Variants in FGD6 observed in about 807,000 individuals in gnomAD.
FGD6 encodes the protein FYVE, RhoGEF and PH domain-containing protein 6.
A neutral mutation model predicts 149.4 loss-of-function variants in FGD6; 90 were observed. The ratio of observed to expected loss-of-function variants is 0.60; its 90% CI spans 0.51 to 0.72. The LOEUF is 0.72. FGD6 is among the 30% of genes least tolerant of loss of function. FGD6 has a pLI of 0.00. For synonymous variants in FGD6, 527 were observed against 584.0 expected, an observed-to-expected ratio of 0.90 and a Z score of 1.41; for missense variants, 1,437 against 1,684.8, an observed-to-expected ratio of 0.85 and a Z score of 2.57.
chr12:95,108,747 C>T (rs1389304659), intron 9 of FGD6, among the ~76,000 whole-genome samples, 186 bp from the exon 10 acceptor site: 1 of 152,058 alleles, frequency 6.6e-6, no homozygotes, highest in African/African-American at 2.4e-5. Context: ...AACCAAACAA[C>T]ACCACCACCA....
chr12:95,167,957 G>A (rs1460158775), intron 3 of FGD6, among the ~76,000 whole-genome samples: 1 of 152,042 alleles, frequency 6.6e-6, no homozygotes, highest in Non-Finnish European at 1.5e-5. Flanking sequence ...GAAAGGAAGG[G>A]GGTCCAATGT....
rs557443681 is a variant in FGD6 at position 95,178,939 on chromosome 12, C to T, written c.2442-6195G>A. Among the ~76,000 whole-genome samples the T allele has an allele frequency of 5.4e-4, 82 of 152,182 alleles. 1 individual carries two copies. The highest frequency in any genetic ancestry group is 1.0e-3 in the Non-Finnish European group (71 of 68,006). On this transcript the variant is annotated intron_variant, in intron 2 of 20. Coordinates refer to ENST00000343958, the MANE Select transcript of FGD6 (RefSeq NM_018351.4). Reference sequence around the variant, plus strand: ...GGTTTTAACAACTGAGCCTTTCAAACTAGCAAGCTAGGGTTCTATGGCTTC... The same window carrying T: ...GGTTTTAACAACTGAGCCTTTCAAATTAGCAAGCTAGGGTTCTATGGCTTC...
intron 2 of FGD6, among the ~76,000 whole-genome samples, chr12:95,180,013 G>A (rs1157499856): frequency 6.6e-6 from 1 of 151,416 alleles, no homozygotes; most frequent in African/African-American, 2.4e-5. Flanking sequence ...GGGAGGCCAA[G>A]GTTGCGGTCA....
At chr12:95,108,232 A>T in intron 11 of FGD6, 116 bp downstream of exon 11, 1 of 882,138 alleles carries the variant, frequency 1.1e-6, no homozygotes, top group African/African-American at 1.7e-5. Context: ...AAAGTGATCA[A>T]AATTGAATCA....
chr12:95,098,653 T>C (rs566916530), intron 14 of FGD6, among the ~76,000 whole-genome samples: 2 of 152,300 alleles, frequency 1.3e-5, no homozygotes, highest in African/African-American at 4.8e-5. Context: ...CTCCTACTTA[T>C]CTTTCCTAAG....
chr12:95,203,594 C>T (rs985684834), intron 2 of FGD6, among the ~76,000 whole-genome samples: 53 of 152,312 alleles, frequency 3.5e-4, no homozygotes, highest in Admixed American at 2.6e-3. Context: ...TTATAAATTT[C>T]TGTCACCTCA....
intron 8 of FGD6, among the ~76,000 whole-genome samples, chr12:95,117,732 A>G (rs1190711451): frequency 6.6e-6 from 1 of 151,922 alleles, no homozygotes; most frequent in East Asian, 2.0e-4. Context: ...AGTACAAGTT[A>G]ATTTTGTTCT....
intron 17 of FGD6, among the ~76,000 whole-genome samples, chr12:95,090,394 A>G (rs1878015375): frequency 6.6e-6 from 1 of 152,208 alleles, no homozygotes; most frequent in African/African-American, 2.4e-5. Context: ...AATAGATTAT[A>G]TCTGGCAGTA....
intron 2 of FGD6, among the ~76,000 whole-genome samples, chr12:95,200,959 G>A (rs1245843693): frequency 6.7e-6 from 1 of 150,330 alleles, no homozygotes; most frequent in Non-Finnish European, 1.5e-5. Context: ...ACTGTTCTTT[G>A]TACCTAACAT....
chr12:95,118,196 T>C (rs1052457300), intron 8 of FGD6, among the ~76,000 whole-genome samples: 4 of 150,930 alleles, frequency 2.7e-5, no homozygotes, highest in Non-Finnish European at 5.9e-5. Flanking sequence ...ACTAAAAATA[T>C]AAAAATTCAC....
chr12:95,189,565 C>T (rs573006776), intron 2 of FGD6: 3 of 151,154 alleles, frequency 2.0e-5, no homozygotes, highest in Admixed American at 1.3e-4. Context: ...GGAGGATCAC[C>T]TAAGTCTGGG....
chr12:95,215,153 G>C (rs1035377630), intron 1 of FGD6, among the ~76,000 whole-genome samples: 3 of 152,056 alleles, frequency 2.0e-5, no homozygotes, highest in African/African-American at 7.2e-5. Context: ...GAGCCACTGC[G>C]CCCAGCCTCT....
chr12:95,187,097 C>T (rs974402851), intron 2 of FGD6, among the ~76,000 whole-genome samples: 3 of 151,998 alleles, frequency 2.0e-5, no homozygotes, highest in African/African-American at 7.3e-5. Context: ...TTTGGGATGC[C>T]GAGGCGGGCA....
chr12:95,156,055 G>A (rs1444667573), intron 3 of FGD6, among the ~76,000 whole-genome samples: 1 of 152,146 alleles, frequency 6.6e-6, no homozygotes, highest in Non-Finnish European at 1.5e-5. Context: ...GTAAGCTGAG[G>A]GGGATGTATG....
At chr12:95,108,919 A>C (rs1565898088) in intron 9 of FGD6, among the ~76,000 whole-genome samples, 1 of 152,224 alleles carries the variant, frequency 6.6e-6, no homozygotes, top group Non-Finnish European at 1.5e-5. Flanking sequence ...ATGGGATTTC[A>C]CCTGGAAGAT....
At chr12:95,144,007 G>A (rs1879934369) in intron 5 of FGD6, among the ~76,000 whole-genome samples, 1 of 152,178 alleles carries the variant, frequency 6.6e-6, no homozygotes, top group Admixed American at 6.5e-5. Context: ...CAGTGACAGT[G>A]ATGTTAGCTG....
At chr12:95,134,891 T>C (rs1879624016) in intron 7 of FGD6, 65 bp from the exon 8 acceptor site, 2 of 1,372,856 alleles carry the variant, frequency 1.5e-6, no homozygotes, top group Admixed American at 2.4e-5. Flanking sequence ...CAGATTCAAG[T>C]GCTCAGGAAG....
chr12:95,162,326 C>A (rs1211041746), intron 3 of FGD6, among the ~76,000 whole-genome samples: 1 of 152,030 alleles, frequency 6.6e-6, no homozygotes, highest in Non-Finnish European at 1.5e-5. Flanking sequence ...AGTTCAAGAC[C>A]AACCTGGCCA....
chr12:95,082,212 C>G (rs1305003174), intron 20 of FGD6, among the ~76,000 whole-genome samples: 1 of 152,224 alleles, frequency 6.6e-6, no homozygotes, highest in East Asian at 1.9e-4. Flanking sequence ...AATTTGGACT[C>G]AGTGCTTTTA....
Sources: allele counts gnomAD v4.1 joint callset (sites outside exome capture counted in the v4.1 genomes callset), GRCh38; gene constraint gnomAD v4.1.1; transcripts MANE v1.5; gene names NCBI Gene and HGNC (gene_info 2026-07-23, HGNC 2026-07-21).